The following MYT1L variants were observed in gnomAD, a reference collection of about 807,000 sequenced individuals.
MYT1L encodes myelin transcription factor 1 like.
In MYT1L, 12 loss-of-function variants were observed where a neutral mutation model predicts 126.7. That is an observed-to-expected ratio of 0.09 (90% CI 0.06 to 0.15). The LOEUF (loss-of-function observed/expected upper bound fraction) is 0.15. Among genes scored for constraint, MYT1L ranks in the 10% least tolerant of loss-of-function variants. MYT1L has a pLI of 1.00. For missense variants in MYT1L, 979 were observed against 1,585.2 expected (o/e 0.62, Z 6.49); for synonymous variants, 541 against 604.2 (o/e 0.90, Z 1.53).
At chr2:2,216,789 A>AAGAG (rs112941406) in intron 2 of MYT1L, among the ~76,000 whole-genome samples, 233 of 150,672 alleles carry the variant, frequency 1.5e-3, no homozygotes, top group African/African-American at 5.3e-3. Flanking sequence ...AGGAGAGAGA[A>AAGAG]AGAGAGAGAG....
At chr2:1,978,132 A>C (rs2149483856) in intron 8 of MYT1L, among the ~76,000 whole-genome samples, 1 of 152,222 alleles carries the variant, frequency 6.6e-6, no homozygotes, top group South Asian at 2.1e-4. Context: ...TTTTCCTTTG[A>C]TTTTACTAAA....
At chr2:2,018,838 TC>T (rs1392648630) in intron 4 of MYT1L, among the ~76,000 whole-genome samples, 4 of 152,118 alleles carry the variant, frequency 2.6e-5, no homozygotes, top group Non-Finnish European at 5.9e-5. Flanking sequence ...CACCTACATT[TC>T]GTTTTTGAGT....
At chr2:2,301,825 T>TAAAA (rs375520368) in intron 1 of MYT1L, among the ~76,000 whole-genome samples, 2 of 96,890 alleles carry the variant, frequency 2.1e-5, no homozygotes, top group Admixed American at 1.2e-4. Flanking sequence ...CCTGTCTGTC[T>TAAAA]AAAAAAAAAA....
intron 21 of MYT1L, among the ~76,000 whole-genome samples, chr2:1,832,623 C>A (rs1458747084): frequency 6.6e-6 from 1 of 152,188 alleles, no homozygotes; most frequent in Non-Finnish European, 1.5e-5. Context: ...AACGGCTCAA[C>A]GTGTCTGCCT....
At chr2:1,956,551 T>C (rs2058461266) in intron 8 of MYT1L, among the ~76,000 whole-genome samples, 1 of 136,278 alleles carries the variant, frequency 7.3e-6, no homozygotes. Context: ...CTATCTATCA[T>C]CTATCCTATT....
chr2:1,876,463 A>T (rs1442329556), intron 18 of MYT1L, among the ~76,000 whole-genome samples: 1 of 151,564 alleles, frequency 6.6e-6, no homozygotes, highest in Non-Finnish European at 1.5e-5. Context: ...CACTCTCCAC[A>T]CAGCTCCTGC....
intron 4 of MYT1L, among the ~76,000 whole-genome samples, chr2:2,020,440 G>A (rs151331630): frequency 1.2e-4 from 19 of 152,244 alleles, no homozygotes; most frequent in Admixed American, 2.6e-4. Flanking sequence ...GCACGTTCAC[G>A]AACACATTTG....
chr2:2,075,860 G>T (rs149490499), intron 3 of MYT1L, among the ~76,000 whole-genome samples: 1 of 152,256 alleles, frequency 6.6e-6, no homozygotes, highest in Non-Finnish European at 1.5e-5. Flanking sequence ...CGATGAGTGT[G>T]ACTTTTTAAT....
In MYT1L at chr2:2,138,096, C is replaced by T. The variant is rs924729571; in HGVS notation, c.-304+34776G>A. Among the ~76,000 whole-genome samples the T allele has an allele frequency of 3.3e-5, 5 of 152,188 alleles. No individual in the cohort carries two copies. In the South Asian group the frequency reaches 8.3e-4, roughly 25 times the overall value. On this transcript the variant is annotated intron_variant, in intron 3 of 24. Coordinates refer to ENST00000647738, the MANE Select transcript of MYT1L (RefSeq NM_001303052.2). ...CAAAAAACACATGAAAAAATGCTCA[C>T]CATCACTGTCCATCAGAGAAATGCA...
intron 2 of MYT1L, among the ~76,000 whole-genome samples, chr2:2,214,802 A>G (rs2093632429): frequency 6.6e-6 from 1 of 152,214 alleles, no homozygotes; most frequent in Non-Finnish European, 1.5e-5. Flanking sequence ...TAGTAACTGT[A>G]TGGATAAATG....
intron 2 of MYT1L, among the ~76,000 whole-genome samples, chr2:2,271,346 A>G (rs977116407): frequency 2.6e-5 from 4 of 152,234 alleles, no homozygotes; most frequent in Admixed American, 6.5e-5. Context: ...AATGAAAGAC[A>G]ATTCTTACAT....
At chr2:2,007,935 G>A (rs1012796640) in intron 4 of MYT1L, among the ~76,000 whole-genome samples, 1 of 152,156 alleles carries the variant, frequency 6.6e-6, no homozygotes, top group Non-Finnish European at 1.5e-5. Context: ...GGGAGGAGAG[G>A]AGCCTGAATT....
At chr2:2,288,183 T>C (rs946794159) in intron 1 of MYT1L, among the ~76,000 whole-genome samples, 2 of 152,202 alleles carry the variant, frequency 1.3e-5, no homozygotes, top group African/African-American at 4.8e-5. Flanking sequence ...ACCAGGTAGA[T>C]ACAGGACAAC....
rs901526931 is a variant in MYT1L, at chr2:2,298,725, C to T, written c.-520-14222G>A. On this transcript the variant is annotated intron_variant, in intron 1 of 24. Coordinates refer to ENST00000647738, the MANE Select transcript of MYT1L (RefSeq NM_001303052.2). ...TTCCTGGTCCCAATGTCAAGAAGCA[C>T]AAGACACGGCATGTTCTCGTGGGAG... Among the ~76,000 whole-genome samples, 5 of 152,196 alleles carry T rather than the reference C, an allele frequency of 3.3e-5. No homozygotes were observed. In the South Asian group the frequency reaches 1.0e-3, roughly 31 times the overall value.
At chr2:1,961,087 T>A (rs549388413) in intron 8 of MYT1L, among the ~76,000 whole-genome samples, 23 of 152,344 alleles carry the variant, frequency 1.5e-4, no homozygotes, top group Middle Eastern at 3.4e-3. Flanking sequence ...ATCTGTAGTA[T>A]CATATCATCT....
intron 4 of MYT1L, among the ~76,000 whole-genome samples, chr2:2,012,175 A>T (rs1016866046): frequency 7.9e-5 from 12 of 152,350 alleles, no homozygotes; most frequent in African/African-American, 2.6e-4. Flanking sequence ...ATCTCCTTAA[A>T]TTTCCATCTA....
At chr2:2,235,028 G>A (rs902181553) in intron 2 of MYT1L, among the ~76,000 whole-genome samples, 1 of 151,982 alleles carries the variant, frequency 6.6e-6, no homozygotes, top group Admixed American at 6.6e-5. Context: ...CTCTTCCATT[G>A]TCTCTTGTCT....
chr2:2,281,923 C>T (rs144679978), intron 2 of MYT1L, among the ~76,000 whole-genome samples: 15 of 152,108 alleles, frequency 9.9e-5, no homozygotes, highest in South Asian at 4.2e-4. Context: ...TACTTTTTAG[C>T]GGTAGGTGGC....
chr2:1,841,354 C>G (rs1203962865), intron 19 of MYT1L: 2 of 151,314 alleles, frequency 1.3e-5, no homozygotes, highest in African/African-American at 5.0e-5. Flanking sequence ...TTAGTAGAGA[C>G]GGGGTTTCAT....
Sources: gnomAD v4.1 joint callset for allele counts (sites outside exome capture counted in the v4.1 genomes callset) on GRCh38, gnomAD v4.1.1 for gene constraint, MANE v1.5 for transcripts, NCBI Gene and HGNC (gene_info 2026-07-23, HGNC 2026-07-21) for gene names.